Variants in LARP4B observed in about 807,000 individuals in gnomAD.
The protein encoded by LARP4B is la-related protein 4B.
In LARP4B, 12 loss-of-function variants were observed where a neutral mutation model predicts 89.8. The observed-to-expected ratio is 0.13, with a 90% CI of 0.09 to 0.22. The LOEUF (loss-of-function observed/expected upper bound fraction) is 0.22. Among genes scored for constraint, LARP4B ranks in the 10% least tolerant of loss-of-function variants. The probability of loss-of-function intolerance (pLI) is 1.00; values close to 1 mark genes in which losing one functional copy is unlikely to be tolerated. For missense variants in LARP4B, 757 were observed against 947.7 expected (o/e 0.80, Z 2.64); for synonymous variants, 367 against 363.3 (o/e 1.01, Z -0.12).
At chr10:898,612 A>G (rs1836253495) in intron 1 of LARP4B, among the ~76,000 whole-genome samples, 1 of 152,250 alleles carries the variant, frequency 6.6e-6, no homozygotes, top group Non-Finnish European at 1.5e-5. Context: ...AATCAAAATA[A>G]AGAGGCATTT....
chr10:865,344 C>T (rs1213450546), intron 3 of LARP4B, among the ~76,000 whole-genome samples: 1 of 152,208 alleles, frequency 6.6e-6, no homozygotes, highest in Non-Finnish European at 1.5e-5. Flanking sequence ...CATCGGCCAT[C>T]ATGACAGTCA....
chr10:857,387 G>A (rs1188455374), intron 5 of LARP4B, among the ~76,000 whole-genome samples: 1 of 152,162 alleles, frequency 6.6e-6, no homozygotes, highest in Non-Finnish European at 1.5e-5. Context: ...GGGCTATTAG[G>A]AGACTGGACA....
chr10:946,377 C>T, the LARP4B span, among the ~76,000 whole-genome samples: 3 of 152,228 alleles, frequency 2.0e-5, no homozygotes, highest in East Asian at 1.9e-4. Context: ...GCCTCTAAAG[C>T]GAAAATACAA....
the LARP4B span, chr10:942,406 C>T: frequency 3.9e-5 from 6 of 152,172 alleles, no homozygotes; most frequent in African/African-American, 1.4e-4. Context: ...GTTTTTTCTC[C>T]GGAGTCAGAT....
chr10:905,235 T>C (rs991187367), intron 1 of LARP4B, among the ~76,000 whole-genome samples: 1 of 152,226 alleles, frequency 6.6e-6, no homozygotes, highest in African/African-American at 2.4e-5. Flanking sequence ...TAAAGTCTTA[T>C]TATCTGAACC....
intron 3 of LARP4B, among the ~76,000 whole-genome samples, chr10:876,973 G>A (rs1046162128): frequency 1.3e-5 from 2 of 152,170 alleles, no homozygotes; most frequent in Non-Finnish European, 1.5e-5. Context: ...TTCTGGAGCC[G>A]CAGCTCAAGC....
chr10:876,449 G>A (rs959044682), intron 3 of LARP4B, among the ~76,000 whole-genome samples: 3 of 152,186 alleles, frequency 2.0e-5, no homozygotes, highest in African/African-American at 4.8e-5. Flanking sequence ...AGAAGCAAGA[G>A]GTCCCAAGTT....
rs116972068 is a variant in LARP4B at position 896,119 on chromosome 10, G to T, written c.-39-10359C>A. 9.0e-3 allele frequency among the ~76,000 whole-genome samples: 1,375 copies of T among 152,322 alleles called. 15 individuals carry two copies. Among genetic ancestry groups the T allele is most frequent in the Non-Finnish European group, 0.014 (972 of 68,022 alleles). On this transcript the variant is annotated intron_variant, in intron 1 of 17. Coordinates refer to ENST00000316157, the MANE Select transcript of LARP4B (RefSeq NM_015155.3). ...ACAGATTAATCAAGTGCAATTCAGT[G>T]AGCAAATTTTCTTGTGAAACTACAC...
At chr10:873,740 G>T (rs1327860980) in intron 3 of LARP4B, among the ~76,000 whole-genome samples, 1 of 152,198 alleles carries the variant, frequency 6.6e-6, no homozygotes, top group Non-Finnish European at 1.5e-5. Flanking sequence ...GTATCTGTAG[G>T]TATCAAGAAA....
At chr10:949,587 C>G in the LARP4B span, among the ~76,000 whole-genome samples, 1 of 152,258 alleles carries the variant, frequency 6.6e-6, no homozygotes, top group Non-Finnish European at 1.5e-5. Flanking sequence ...ATCTGCTCTC[C>G]CCGTCCTCAC....
chr10:944,965 G>A, the LARP4B span, among the ~76,000 whole-genome samples: 1 of 152,162 alleles, frequency 6.6e-6, no homozygotes, highest in Non-Finnish European at 1.5e-5. Flanking sequence ...TTCAAGAAGT[G>A]CTTGTTGATA....
At chr10:948,439 G>C in the LARP4B span, among the ~76,000 whole-genome samples, 1 of 152,134 alleles carries the variant, frequency 6.6e-6, no homozygotes, top group African/African-American at 2.4e-5. Flanking sequence ...GTAGAGACAG[G>C]GTTTCTCCAT....
chr10:814,882 A>G lies in LARP4B; in HGVS notation c.1821-32T>C. On this transcript the variant is annotated intron_variant, in intron 16 of 17. Transcript: ENST00000316157. The surrounding 1 kb of genome is among the most constrained non-coding windows in gnomAD (Gnocchi z 4.4). ...AAATGCCACCCGATATTTGAATCTC[A>G]TGCAACATCACAGGCCATTCAAGTC... 6.3e-7 allele frequency: 1 copy of G among 1,579,002 alleles called. No individual in the cohort carries two copies. The highest frequency in any genetic ancestry group is 1.3e-5 in the African/African-American group (1 of 74,314).
chr10:925,467 G>GT (rs1490654620), intron 1 of LARP4B, among the ~76,000 whole-genome samples: 2 of 152,090 alleles, frequency 1.3e-5, no homozygotes, highest in Non-Finnish European at 2.9e-5. Flanking sequence ...TTAACATGAT[G>GT]TTTTTATTTT....
chr10:922,312 T>C (rs2132050232), intron 1 of LARP4B, among the ~76,000 whole-genome samples: 1 of 152,326 alleles, frequency 6.6e-6, no homozygotes, highest in Admixed American at 6.5e-5. Flanking sequence ...TGCAGCGCAG[T>C]TCCTACCAGG....
upstream of LARP4B, among the ~76,000 whole-genome samples, chr10:935,722 C>CTTTTTTTTTTTTTTTTTT (rs10711022): frequency 6.0e-5 from 5 of 83,900 alleles, no homozygotes; most frequent in Admixed American, 1.4e-4. Context: ...CTTTTCTTTT[C>CTTTTTTTTTTTTTTTTTT]TTTTTTTTTT....
chr10:850,114 G>C (rs1833967557), intron 5 of LARP4B, among the ~76,000 whole-genome samples: 1 of 152,206 alleles, frequency 6.6e-6, no homozygotes, highest in Non-Finnish European at 1.5e-5. Flanking sequence ...TGGGTGCCAG[G>C]TATATGGGAA....
the LARP4B span, among the ~76,000 whole-genome samples, chr10:945,182 G>A: frequency 1.7e-4 from 26 of 151,854 alleles, no homozygotes; most frequent in African/African-American, 5.8e-4. Flanking sequence ...TCAGGAGTTC[G>A]AGACCAGCCT....
the LARP4B span, among the ~76,000 whole-genome samples, chr10:949,824 T>C: frequency 6.6e-6 from 1 of 152,240 alleles, no homozygotes; most frequent in Non-Finnish European, 1.5e-5. Flanking sequence ...TTTTCTTTTT[T>C]TGACACAGGG....
Sources: gnomAD v4.1 joint callset for allele counts (sites outside exome capture counted in the v4.1 genomes callset) on GRCh38, gnomAD v4.1.1 for gene constraint, Gnocchi (gnomAD v3.1) non-coding constraint, MANE v1.5 for transcripts, NCBI Gene and HGNC (gene_info 2026-07-23, HGNC 2026-07-21) for gene names.